The following LRRC7 variants were observed in gnomAD, a reference collection of about 807,000 sequenced individuals.
LRRC7 encodes leucine-rich repeat-containing protein 7.
LRRC7 carries 23 observed loss-of-function variants against 175.7 expected under a neutral mutation model. The observed-to-expected ratio is 0.13, with a 90% CI of 0.09 to 0.19. The LOEUF is 0.19. Among genes scored for constraint, LRRC7 ranks in the 10% least tolerant of loss-of-function variants. LRRC7 has a pLI of 1.00. For synonymous variants in LRRC7, 685 were observed against 680.9 expected (o/e 1.01, Z -0.09); for missense variants, 1,354 against 1,904.7 (o/e 0.71, Z 5.38).
intron 3 of LRRC7, among the ~76,000 whole-genome samples, chr1:69,766,830 G>T (rs1428177128): frequency 2.0e-5 from 3 of 152,038 alleles, no homozygotes; most frequent in East Asian, 3.9e-4. Context: ...AAAACAAATG[G>T]CAGGCTTCTA....
At chr1:70,112,934 C>T (rs985297415) in intron 26 of LRRC7, among the ~76,000 whole-genome samples, 1 of 151,954 alleles carries the variant, frequency 6.6e-6, no homozygotes, top group African/African-American at 2.4e-5. Flanking sequence ...ACCCCAGACT[C>T]GTGTGTTAGA....
chr1:69,658,614 A>G (rs1656993272), intron 1 of LRRC7, among the ~76,000 whole-genome samples: 2 of 152,148 alleles, frequency 1.3e-5, no homozygotes, highest in Admixed American at 1.3e-4. Flanking sequence ...AAATACACTA[A>G]TGAGGACCTA....
At position 69,957,403 on chromosome 1, in the gene LRRC7, G is replaced by C. The variant is rs534091725; in HGVS notation, c.712-22976G>C. Among the ~76,000 whole-genome samples, 11 of 151,870 alleles carry C rather than the reference G, an allele frequency of 7.2e-5. No homozygotes were observed. The South Asian group carries it at 2.1e-3, about 29-fold the overall frequency. ...TAAAAAGCAGACTATCTACCTTAACGTTTACTGACTTTGAGGCAGAAAAGA... is the reference window on the plus strand; with the variant it reads ...TAAAAAGCAGACTATCTACCTTAACCTTTACTGACTTTGAGGCAGAAAAGA... On this transcript the variant is annotated intron_variant, in intron 8 of 26. Coordinates refer to ENST00000651989, the MANE Select transcript of LRRC7 (RefSeq NM_001370785.2).
chr1:69,762,745 A>G (rs1671171676), intron 3 of LRRC7, among the ~76,000 whole-genome samples: 2 of 152,078 alleles, frequency 1.3e-5, no homozygotes, highest in African/African-American at 4.8e-5. Context: ...AGAAATTTTA[A>G]GATATTTTGT....
At chr1:69,908,963 G>A (rs1646422096) in intron 7 of LRRC7, among the ~76,000 whole-genome samples, 1 of 151,996 alleles carries the variant, frequency 6.6e-6, no homozygotes, top group South Asian at 2.1e-4. Flanking sequence ...CCTGTATCGG[G>A]TGCATATATA....
chr1:69,970,509 A>C (rs987199593), intron 8 of LRRC7, among the ~76,000 whole-genome samples: 1 of 152,188 alleles, frequency 6.6e-6, no homozygotes, highest in Non-Finnish European at 1.5e-5. Flanking sequence ...GACTTTATGT[A>C]CACAAACTAG....
intron 1 of LRRC7, among the ~76,000 whole-genome samples, chr1:69,644,307 A>C (rs1654678168): frequency 6.6e-6 from 1 of 151,752 alleles, no homozygotes; most frequent in Non-Finnish European, 1.5e-5. Flanking sequence ...TTTTTCTGTG[A>C]GTTTTTGCTT....
In LRRC7 at chr1:69,883,750, C is replaced by T. The variant is rs1408975342; in HGVS notation, c.647+45467C>T. 1.2e-3 allele frequency among the ~76,000 whole-genome samples: 110 copies of T among 88,690 alleles called. 25 individuals carry two copies. In the Middle Eastern group the frequency reaches 0.021, roughly 17 times the overall value. 58.2% of individuals were successfully genotyped at this position (88,690 alleles called of 152,430 possible). A position where few individuals can be genotyped will look rare whatever the true frequency, so the allele number is the denominator to read the frequency against. On this transcript the variant is annotated intron_variant, in intron 7 of 26. Transcript: ENST00000651989. ...TTCTAGGGTTTTTATGGTTTTAGGTCTAACGTTTAAGTCTTTAATCCATCT... is the reference window on the plus strand; with the variant it reads ...TTCTAGGGTTTTTATGGTTTTAGGTTTAACGTTTAAGTCTTTAATCCATCT...
intron 7 of LRRC7, among the ~76,000 whole-genome samples, chr1:69,916,539 T>C (rs996583088): frequency 6.6e-6 from 1 of 151,874 alleles, no homozygotes; most frequent in Non-Finnish European, 1.5e-5. Flanking sequence ...ATTATAGTAT[T>C]CATTAAAATA....
intron 11 of LRRC7, among the ~76,000 whole-genome samples, 182 bp downstream of exon 11, chr1:69,994,815 A>T (rs1275596821): frequency 6.6e-6 from 1 of 152,106 alleles, no homozygotes; most frequent in Non-Finnish European, 1.5e-5. Context: ...ATATCTAAAC[A>T]TTGCATTTGA....
At chr1:69,593,720 CAG>C (rs1194467477) in intron 1 of LRRC7, among the ~76,000 whole-genome samples, 1 of 152,120 alleles carries the variant, frequency 6.6e-6, no homozygotes, top group Non-Finnish European at 1.5e-5. Context: ...CAGCTGAAAT[CAG>C]AGACTGGGCA....
chr1:70,117,802 T>C (rs1289931189), intron 26 of LRRC7, among the ~76,000 whole-genome samples: 1 of 152,158 alleles, frequency 6.6e-6, no homozygotes, highest in Non-Finnish European at 1.5e-5. Context: ...TTCCTCAAAA[T>C]TGTACACATT....
intron 3 of LRRC7, among the ~76,000 whole-genome samples, chr1:69,768,438 C>T (rs886851892): frequency 6.6e-6 from 1 of 152,190 alleles, no homozygotes; most frequent in African/African-American, 2.4e-5. Context: ...AAAATAACAA[C>T]ACCCACTATC....
chr1:70,022,296 AT>A (rs771612301), intron 16 of LRRC7: 22 of 152,272 alleles, frequency 1.4e-4, no homozygotes, highest in Non-Finnish European at 2.8e-4. Context: ...CGGATTTTGT[AT>A]GTTAAATCCA....
chr1:70,031,439 C>T (rs1658709285), intron 18 of LRRC7, among the ~76,000 whole-genome samples: 1 of 152,090 alleles, frequency 6.6e-6, no homozygotes, highest in Non-Finnish European at 1.5e-5. Context: ...TATAAATGCC[C>T]ACAGCGTCTC....
intron 2 of LRRC7, chr1:69,716,201 G>A: frequency 2.0e-6 from 1 of 489,188 alleles, no homozygotes; most frequent in South Asian, 4.6e-5. Context: ...AGTCTGCAGA[G>A]ACAGGAATAA....
intron 4 of LRRC7, among the ~76,000 whole-genome samples, chr1:69,814,824 G>A (rs1004865836): frequency 2.6e-5 from 4 of 152,076 alleles, no homozygotes; most frequent in African/African-American, 9.7e-5. Context: ...AAAAGCCTCA[G>A]CAAAAATGTT....
intron 17 of LRRC7, among the ~76,000 whole-genome samples, chr1:70,025,598 G>A (rs1056809409): frequency 3.3e-5 from 5 of 151,830 alleles, no homozygotes; most frequent in African/African-American, 7.3e-5. Context: ...TTTTAGCTCC[G>A]GATTAACTCA....
chr1:69,969,283 A>G (rs546070050), intron 8 of LRRC7, among the ~76,000 whole-genome samples: 142 of 152,336 alleles, frequency 9.3e-4, no homozygotes, highest in Admixed American at 2.0e-3. Context: ...TCACATCTCA[A>G]TACTAACATT....
Sources: allele counts gnomAD v4.1 joint callset (sites outside exome capture counted in the v4.1 genomes callset), GRCh38; gene constraint gnomAD v4.1.1; transcripts MANE v1.5; gene names NCBI Gene and HGNC (gene_info 2026-07-23, HGNC 2026-07-21).